PCED1B: variants seen among roughly 807,000 people sequenced by gnomAD.
PCED1B encodes PC-esterase domain-containing protein 1B.
For synonymous variants in PCED1B, 251 were observed against 246.1 expected (o/e 1.02, Z -0.19); for missense variants, 573 against 573.9 (o/e 1.00, Z 0.02).
chr12:47,207,456 T>C (rs1942946033), intron 2 of PCED1B, among the ~76,000 whole-genome samples: 1 of 152,176 alleles, frequency 6.6e-6, no homozygotes, highest in Non-Finnish European at 1.5e-5. Flanking sequence ...GGCTGCTGCC[T>C]CCTCCCAGTC....
intron 2 of PCED1B, among the ~76,000 whole-genome samples, chr12:47,109,201 G>T (rs1939085608): frequency 1.3e-5 from 2 of 152,150 alleles, no homozygotes; most frequent in South Asian, 4.2e-4. Context: ...ACTAGATTTA[G>T]GATGTAGAAG....
intron 3 of PCED1B, among the ~76,000 whole-genome samples, chr12:47,226,310 C>T (rs1411619041): frequency 3.3e-5 from 5 of 152,316 alleles, no homozygotes; most frequent in African/African-American, 1.2e-4. Flanking sequence ...AATTTACATA[C>T]ATCCGTTTTA....
chr12:47,236,458 C>T lies in PCED1B; in HGVS notation c.*96C>T. 2.4e-6 allele frequency: 3 copies of T among 1,274,094 alleles called. No individual in the cohort carries two copies. The highest frequency in any genetic ancestry group is 3.2e-6 in the Non-Finnish European group (3 of 945,332). 78.9% of individuals were successfully genotyped at this position (1,274,094 alleles called of 1,614,324 possible). ...GGCCTGAACAGACTGACCTTGTTAA[C>T]TTAAGCCTGGAGTCCATGCCTCGTC... On this transcript the variant is annotated 3_prime_UTR_variant, in exon 4 of 4. Transcript: ENST00000546455.
At position 47,192,833 on chromosome 12, in the gene PCED1B, A is replaced by G. The variant is rs568481488; in HGVS notation, c.-525-23389A>G. On this transcript the variant is annotated intron_variant, in intron 2 of 3. Coordinates refer to ENST00000546455, the MANE Select transcript of PCED1B (RefSeq NM_138371.3). ...TTCCTTGAGACAAGTACTATCATTA[A>G]CCCCAACTGAGGAAACTAAGGCTCG... is the stretch of plus-strand genomic sequence containing the variant. Among the ~76,000 whole-genome samples the G allele has an allele frequency of 2.0e-5, 3 of 152,204 alleles. No individual in the cohort carries two copies. The East Asian group carries it at 5.8e-4, about 29-fold the overall frequency.
At chr12:47,172,340 C>CTTTTTTTTTTTTTTTTTTTTTGT (rs1941776009) in intron 2 of PCED1B, among the ~76,000 whole-genome samples, 2 of 78,336 alleles carry the variant, frequency 2.6e-5, no homozygotes, top group African/African-American at 9.6e-5. Context: ...TCGTGGGTTG[C>CTTTTTTTTTTTTTTTTTTTTTGT]TTTTTTTTTT....
chr12:47,193,213 G>A (rs1942500014), intron 2 of PCED1B, among the ~76,000 whole-genome samples: 1 of 152,138 alleles, frequency 6.6e-6, no homozygotes, highest in Admixed American at 6.5e-5. Flanking sequence ...CAAATTTGTT[G>A]TATCCTCAGA....
intron 2 of PCED1B, among the ~76,000 whole-genome samples, chr12:47,139,212 T>C (rs1940498901): frequency 2.6e-5 from 4 of 152,146 alleles, no homozygotes; most frequent in African/African-American, 9.6e-5. Context: ...GCTTCCCTCC[T>C]GTTGTGTGCA....
At chr12:47,094,505 T>A (rs1938395417) in intron 1 of PCED1B, among the ~76,000 whole-genome samples, 1 of 152,138 alleles carries the variant, frequency 6.6e-6, no homozygotes, top group South Asian at 2.1e-4. Context: ...TATGTTCTTT[T>A]TTTCGCCCTC....
intron 1 of PCED1B, among the ~76,000 whole-genome samples, chr12:47,094,319 C>T (rs1938385791): frequency 6.6e-6 from 1 of 152,062 alleles, no homozygotes; most frequent in Non-Finnish European, 1.5e-5. Context: ...TTAAACATTT[C>T]TTTTTATTAG....
chr12:47,107,766 G>T (rs1230032341), intron 2 of PCED1B, among the ~76,000 whole-genome samples: 1 of 152,172 alleles, frequency 6.6e-6, no homozygotes, highest in East Asian at 1.9e-4. Flanking sequence ...CCACCCACTA[G>T]CCAGTTCCAC....
chr12:47,112,261 T>G (rs906671839), intron 2 of PCED1B, among the ~76,000 whole-genome samples: 2 of 152,256 alleles, frequency 1.3e-5, no homozygotes, highest in African/African-American at 4.8e-5. Context: ...GGGAAACTTC[T>G]GCCAAACTTG....
chr12:47,219,076 G>A (rs1000580207), intron 3 of PCED1B, among the ~76,000 whole-genome samples: 1 of 152,074 alleles, frequency 6.6e-6, no homozygotes, highest in African/African-American at 2.4e-5. Flanking sequence ...ATGAGACAGG[G>A]GATGTAGCGA....
At chr12:47,192,566 T>C (rs1172240982) in intron 2 of PCED1B, among the ~76,000 whole-genome samples, 1 of 152,180 alleles carries the variant, frequency 6.6e-6, no homozygotes, top group Non-Finnish European at 1.5e-5. Context: ...AAAAGTGGAA[T>C]TGGACGAGGG....
At chr12:47,224,863 G>A (rs1331277063) in intron 3 of PCED1B, among the ~76,000 whole-genome samples, 1 of 152,170 alleles carries the variant, frequency 6.6e-6, no homozygotes, top group Non-Finnish European at 1.5e-5. Context: ...TAGGAAGTGA[G>A]GTCAATGTAG....
intron 2 of PCED1B, among the ~76,000 whole-genome samples, chr12:47,188,088 A>G (rs886368132): frequency 2.0e-5 from 3 of 152,096 alleles, no homozygotes; most frequent in Admixed American, 6.6e-5. Context: ...TGTTCCCCAG[A>G]CATACCTCTG....
At chr12:47,179,538 T>G (rs1942030160) in intron 2 of PCED1B, among the ~76,000 whole-genome samples, 1 of 152,236 alleles carries the variant, frequency 6.6e-6, no homozygotes, top group Non-Finnish European at 1.5e-5. Flanking sequence ...TTTGTCAGCA[T>G]ATTTCTAAAT....
chr12:47,229,841 C>A (rs890216120), intron 3 of PCED1B, among the ~76,000 whole-genome samples: 4 of 151,778 alleles, frequency 2.6e-5, no homozygotes, highest in African/African-American at 9.7e-5. Flanking sequence ...GCGATCTTGG[C>A]TCATTGCAAG....
chr12:47,175,279 G>A (rs776892589), intron 2 of PCED1B, among the ~76,000 whole-genome samples: 2 of 152,058 alleles, frequency 1.3e-5, no homozygotes, highest in Admixed American at 6.5e-5. Flanking sequence ...ATAATATCTG[G>A]ACAACAAAAA....
chr12:47,140,168 A>G (rs1565772679), intron 2 of PCED1B, among the ~76,000 whole-genome samples: 1 of 152,222 alleles, frequency 6.6e-6, no homozygotes, highest in Non-Finnish European at 1.5e-5. Flanking sequence ...TGCTTATCAA[A>G]TAATCTAGAT....
Sources: gnomAD v4.1 joint callset for allele counts (sites outside exome capture counted in the v4.1 genomes callset) on GRCh38, gnomAD v4.1.1 for gene constraint, MANE v1.5 for transcripts, NCBI Gene and HGNC (gene_info 2026-07-23, HGNC 2026-07-21) for gene names.